NECAB1: variants seen among roughly 807,000 people sequenced by gnomAD.
NECAB1 encodes the protein N-terminal EF-hand calcium-binding protein 1.
NECAB1 carries 29 observed loss-of-function variants against 57.5 expected under a neutral mutation model. The ratio of observed to expected loss-of-function variants is 0.50; its 90% CI spans 0.38 to 0.69. The LOEUF (loss-of-function observed/expected upper bound fraction) is 0.69. NECAB1 is among the 30% of genes least tolerant of loss of function. The probability of loss-of-function intolerance (pLI) is 0.00; values close to 1 mark genes in which losing one functional copy is unlikely to be tolerated. For synonymous variants in NECAB1, 142 were observed against 147.7 expected (o/e 0.96, Z 0.28); for missense variants, 372 against 413.8 (o/e 0.90, Z 0.88).
At chr8:90,855,767 G>T (rs887081453) in intron 3 of NECAB1, among the ~76,000 whole-genome samples, 1 of 152,158 alleles carries the variant, frequency 6.6e-6, no homozygotes, top group South Asian at 2.1e-4. Flanking sequence ...GTGAATCCAT[G>T]GCTTAACTTG....
Position 90,818,753 on chromosome 8 carries a change from T to G in NECAB1, c.125-5964T>G, listed in dbSNP as rs145695066. Among the ~76,000 whole-genome samples, 14 of 152,142 alleles carry G rather than the reference T, an allele frequency of 9.2e-5. No homozygotes were observed. The East Asian group carries it at 2.7e-3, about 29-fold the overall frequency. On this transcript the variant is annotated intron_variant, in intron 2 of 12. Transcript: ENST00000417640. ...GGGAGATTGATCCTCTTTGGTACTC[T>G]CTGAGCTTCCTGGATCAGTGGTTTG...
intron 4 of NECAB1, among the ~76,000 whole-genome samples, chr8:90,879,666 C>T (rs1389662134): frequency 2.6e-5 from 4 of 152,060 alleles, no homozygotes; most frequent in African/African-American, 7.2e-5. Flanking sequence ...ATTAACTGCT[C>T]GCTGGTTGAT....
At chr8:90,949,439 G>C (rs1810881734) in intron 10 of NECAB1, among the ~76,000 whole-genome samples, 1 of 152,106 alleles carries the variant, frequency 6.6e-6, no homozygotes, top group South Asian at 2.1e-4. Flanking sequence ...GAGGGCAAAG[G>C]CAGGTAGCAT....
At chr8:90,920,550 T>C (rs1460219563) in intron 6 of NECAB1, among the ~76,000 whole-genome samples, 6 of 152,168 alleles carry the variant, frequency 3.9e-5, no homozygotes, top group Non-Finnish European at 8.8e-5. Context: ...AACTTTAGGA[T>C]GAATTTTAAT....
At chr8:90,852,586 C>T (rs1812705308) in intron 3 of NECAB1, among the ~76,000 whole-genome samples, 1 of 152,172 alleles carries the variant, frequency 6.6e-6, no homozygotes. Context: ...GCCCACCCTG[C>T]CCTCCATCCT....
intron 3 of NECAB1, among the ~76,000 whole-genome samples, chr8:90,827,418 C>T (rs1466670800): frequency 6.6e-6 from 1 of 152,002 alleles, no homozygotes; most frequent in Admixed American, 6.6e-5. Context: ...CAGCTCCTGC[C>T]TTTCCTTATG....
At chr8:90,950,959 A>C (rs573050340) in intron 11 of NECAB1, among the ~76,000 whole-genome samples, 154 bp from the exon 12 acceptor site, 2 of 152,296 alleles carry the variant, frequency 1.3e-5, no homozygotes, top group South Asian at 4.1e-4. Context: ...GTCATTTTTG[A>C]AAGCTGAACA....
chr8:90,887,627 G>A (rs1256098149), intron 5 of NECAB1, among the ~76,000 whole-genome samples: 1 of 152,158 alleles, frequency 6.6e-6, no homozygotes, highest in East Asian at 1.9e-4. Context: ...GCGAGAAGGT[G>A]AGACTCAAAT....
intron 1 of NECAB1, among the ~76,000 whole-genome samples, chr8:90,800,696 A>C (rs1811745111): frequency 6.6e-6 from 1 of 152,182 alleles, no homozygotes; most frequent in Non-Finnish European, 1.5e-5. Context: ...TGCATTGCCT[A>C]TATATTCCTA....
intron 8 of NECAB1, among the ~76,000 whole-genome samples, chr8:90,929,213 T>C (rs1215745466): frequency 1.3e-5 from 2 of 152,192 alleles, no homozygotes; most frequent in Non-Finnish European, 2.9e-5. Flanking sequence ...GGATCAGATG[T>C]TAAAATCTAT....
intron 3 of NECAB1, among the ~76,000 whole-genome samples, chr8:90,855,685 G>A (rs1040273129): frequency 2.2e-4 from 33 of 152,156 alleles, no homozygotes; most frequent in African/African-American, 7.5e-4. Context: ...ATTTAAAGTT[G>A]TAGGAGGGCT....
intron 6 of NECAB1, among the ~76,000 whole-genome samples, chr8:90,920,005 A>C (rs188262192): frequency 2.2e-4 from 33 of 152,346 alleles, no homozygotes; most frequent in Admixed American, 1.8e-3. Context: ...GACTGCTGCC[A>C]GCAGCTGCCT....
rs1385752295 is a variant in NECAB1 at position 90,824,809 on chromosome 8, G to C, written c.217G>C (p.Asp73His). The part of the protein sequence containing the change: ...EELHELFHTI[D>H]THNTNNLDTE... The stretch of plus-strand genomic sequence containing the variant: ...ATTACACGAGCTTTTCCATACCATT[G>C]ATACACATAATACTAAGTAAGAAAC... The change falls in exon 3 of 13, where the codon GAT becomes CAT. Residue 73 changes from aspartate to histidine, a missense_variant. By Grantham distance (81) the Asp-to-His change is moderately conservative. Coordinates refer to ENST00000417640, the MANE Select transcript of NECAB1 (RefSeq NM_022351.5). The C allele has an allele frequency of 2.0e-6, 3 of 1,537,410 alleles. No individual in the cohort carries two copies. Among genetic ancestry groups the C allele is most frequent in the African/African-American group, 2.7e-5 (2 of 72,826 alleles).
intron 10 of NECAB1, among the ~76,000 whole-genome samples, chr8:90,944,453 A>G (rs982326111): frequency 1.3e-5 from 2 of 152,222 alleles, no homozygotes; most frequent in Non-Finnish European, 2.9e-5. Context: ...ACATATACAC[A>G]CACATTGTTT....
At chr8:90,919,403 ATAAT>A (rs1214145216) in intron 6 of NECAB1, among the ~76,000 whole-genome samples, 1 of 152,186 alleles carries the variant, frequency 6.6e-6, no homozygotes, top group Non-Finnish European at 1.5e-5. Context: ...TAACTGATAC[ATAAT>A]TATTAGGACA....
rs187956570 is a variant in NECAB1 at position 90,901,411 on chromosome 8, C to A, written c.358-16081C>A. 3.9e-5 allele frequency among the ~76,000 whole-genome samples: 6 copies of A among 152,306 alleles called. No individual in the cohort carries two copies. In the South Asian group the frequency reaches 6.2e-4, roughly 16 times the overall value. On this transcript the variant is annotated intron_variant, in intron 5 of 12. Transcript: ENST00000417640. ...AATCAAGAGCCTTTGACCCTTGTAG[C>A]CTCATGAGACTAGAACCCACTGTTT...
At chr8:90,893,509 T>A (rs1224321445) in intron 5 of NECAB1, among the ~76,000 whole-genome samples, 3 of 152,110 alleles carry the variant, frequency 2.0e-5, no homozygotes, top group African/African-American at 7.2e-5. Flanking sequence ...CACAATCCAA[T>A]TCTGGACAGA....
chr8:90,910,609 C>T (rs568832842), intron 5 of NECAB1, among the ~76,000 whole-genome samples: 1 of 152,260 alleles, frequency 6.6e-6, no homozygotes, highest in East Asian at 1.9e-4. Flanking sequence ...TTTGAGTCCA[C>T]TCCTAGCTAA....
At chr8:90,852,249 C>T (rs1812697277) in intron 3 of NECAB1, among the ~76,000 whole-genome samples, 1 of 152,142 alleles carries the variant, frequency 6.6e-6, no homozygotes, top group Non-Finnish European at 1.5e-5. Flanking sequence ...ACATTCTATA[C>T]TGTCACCTCC....
Sources: allele counts gnomAD v4.1 joint callset (sites outside exome capture counted in the v4.1 genomes callset), GRCh38; gene constraint gnomAD v4.1.1; transcripts MANE v1.5; gene names NCBI Gene and HGNC (gene_info 2026-07-23, HGNC 2026-07-21).